Variants in MIX23 observed in about 807,000 individuals in gnomAD.
MIX23 encodes the protein protein MIX23.
MIX23 carries 13 observed loss-of-function variants against 21.6 expected under a neutral mutation model. The observed-to-expected ratio is 0.60, with a 90% CI of 0.39 to 0.96. The LOEUF is 0.96. MIX23 is among the 40% of genes least tolerant of loss of function. The probability of loss-of-function intolerance (pLI) is 0.00; values close to 1 mark genes in which losing one functional copy is unlikely to be tolerated. For missense variants in MIX23, 144 were observed against 171.2 expected (o/e 0.84, Z 0.89); for synonymous variants, 59 against 58.0 (o/e 1.02, Z -0.08).
chr3:122,362,731 C>T (rs535960430), intron 4 of MIX23, among the ~76,000 whole-genome samples: 1 of 152,208 alleles, frequency 6.6e-6, no homozygotes, highest in South Asian at 2.1e-4. Context: ...TGAGCCACCT[C>T]GCCTGGCCCT....
intron 1 of MIX23, among the ~76,000 whole-genome samples, chr3:122,380,116 T>C (rs2075518875): frequency 6.6e-6 from 1 of 152,212 alleles, no homozygotes; most frequent in African/African-American, 2.4e-5. Context: ...TACATATTTT[T>C]TAGGGTACAT....
chr3:122,368,035 T>G (rs1241109392), intron 3 of MIX23, 141 bp downstream of exon 3: 29 of 692,606 alleles, frequency 4.2e-5, no homozygotes, highest in Non-Finnish European at 1.2e-5. Flanking sequence ...TAAAGCTCAC[T>G]AAAAATGAAG....
intron 1 of MIX23, among the ~76,000 whole-genome samples, chr3:122,377,049 C>T (rs968232928): frequency 3.3e-5 from 5 of 152,080 alleles, no homozygotes; most frequent in East Asian, 3.9e-4. Context: ...CGCATGGTGG[C>T]GCACACCTGT....
intron 1 of MIX23, among the ~76,000 whole-genome samples, chr3:122,374,089 C>T (rs1316393653): frequency 6.8e-6 from 1 of 148,148 alleles, no homozygotes; most frequent in African/African-American, 2.5e-5. Context: ...ACTTTACCTC[C>T]TATGACTGGC....
At position 122,374,119 on chromosome 3, in the gene MIX23, T is replaced by TTA. The variant is rs1241966590; in HGVS notation, c.52-2320_52-2319insTA. On this transcript the variant is annotated intron_variant, in intron 1 of 4. Transcript: ENST00000291458. ...ACTGGCCTATTTTTTTTTTTTTTTT[T>TTA]AAAAAAAAAGCCTCTTTAAATTCTC... Among the ~76,000 whole-genome samples, 271 of 136,650 alleles carry TTA rather than the reference T, an allele frequency of 2.0e-3. 1 individual carries two copies. The highest frequency in any genetic ancestry group is 6.8e-3 in the African/African-American group (256 of 37,706). 89.6% of individuals were successfully genotyped at this position (136,650 alleles called of 152,430 possible).
intron 1 of MIX23, among the ~76,000 whole-genome samples, chr3:122,382,042 T>C (rs943174677): frequency 6.6e-6 from 1 of 152,242 alleles, no homozygotes; most frequent in African/African-American, 2.4e-5. Flanking sequence ...AGCGGACTAA[T>C]ACAGTATCTA....
chr3:122,378,559 A>G (rs1415322364), intron 1 of MIX23, among the ~76,000 whole-genome samples: 1 of 152,254 alleles, frequency 6.6e-6, no homozygotes, highest in Non-Finnish European at 1.5e-5. Context: ...TATAGTATAG[A>G]TGATTGCTTT....
chr3:122,365,897 T>C (rs181241654), intron 3 of MIX23, among the ~76,000 whole-genome samples: 1 of 152,208 alleles, frequency 6.6e-6, no homozygotes, highest in East Asian at 1.9e-4. Context: ...ATATGCCGGC[T>C]GGACACGGTG....
rs527562300 is a variant in MIX23 at position 122,359,830 on chromosome 3, T to TAAAAAAAAAAAAAAA, written c.*24_*38dup. ...AGCTCTTATGAGATGACCCAGTCCTTAAAAAAAAAAAAAAAAAAAAAAAAA... is the reference window on the plus strand; with the variant it reads ...AGCTCTTATGAGATGACCCAGTCCTTAAAAAAAAAAAAAAAAAAAAAAAAAAAAAAAAAAAAAAAA... On this transcript the variant is annotated 3_prime_UTR_variant, in exon 5 of 5. Coordinates refer to ENST00000291458, the MANE Select transcript of MIX23 (RefSeq NM_001017928.4). 2 of 1,007,848 alleles carry TAAAAAAAAAAAAAAA rather than the reference T, an allele frequency of 2.0e-6. No individual in the cohort carries two copies. Among genetic ancestry groups the TAAAAAAAAAAAAAAA allele is most frequent in the African/African-American group, 3.2e-5 (1 of 30,788 alleles). 62.4% of individuals were successfully genotyped at this position (1,007,848 alleles called of 1,614,324 possible). A position where few individuals can be genotyped will look rare whatever the true frequency, so the allele number is the denominator to read the frequency against.
At chr3:122,364,526 T>C (rs754289000) in intron 3 of MIX23, among the ~76,000 whole-genome samples, 1 of 152,218 alleles carries the variant, frequency 6.6e-6, no homozygotes, top group Non-Finnish European at 1.5e-5. Context: ...TTCAGAATTA[T>C]CCTGGGTAAC....
intron 3 of MIX23, 156 bp downstream of exon 3, chr3:122,368,015 CATAAT>C: frequency 1.6e-6 from 1 of 628,698 alleles, no homozygotes; most frequent in Non-Finnish European, 2.8e-6. Flanking sequence ...AATAACTAAA[CATAAT>C]AAAATAAAGC....
chr3:122,370,577 T>C (rs1229262018), intron 2 of MIX23, among the ~76,000 whole-genome samples: 1 of 150,698 alleles, frequency 6.6e-6, no homozygotes, highest in Non-Finnish European at 1.5e-5. Flanking sequence ...TGTTAATCAC[T>C]ACACTATAAA....
chr3:122,372,972 C>G (rs1048140147), intron 1 of MIX23: 1 of 412,722 alleles, frequency 2.4e-6, no homozygotes, highest in Non-Finnish European at 4.9e-6. Context: ...ATATACTATG[C>G]TACTTCTTAC....
chr3:122,360,064 G>A, intron 4 of MIX23, 145 bp from the exon 5 acceptor site: 1 of 812,162 alleles, frequency 1.2e-6, no homozygotes, highest in South Asian at 1.7e-5. Context: ...AGTTTCCTCA[G>A]CAGTTCAAAC....
At chr3:122,378,769 A>G (rs2075508185) in intron 1 of MIX23, among the ~76,000 whole-genome samples, 1 of 152,180 alleles carries the variant, frequency 6.6e-6, no homozygotes, top group Non-Finnish European at 1.5e-5. Flanking sequence ...CTCTGTATCA[A>G]TTTTTCTGTG....
chr3:122,380,386 CAG>C (rs2075521568), intron 1 of MIX23, among the ~76,000 whole-genome samples: 1 of 152,186 alleles, frequency 6.6e-6, no homozygotes, highest in Admixed American at 6.5e-5. Flanking sequence ...CTACAACTGC[CAG>C]AGTCCTCTAA....
At chr3:122,378,029 T>C (rs1368307797) in intron 1 of MIX23, among the ~76,000 whole-genome samples, 2 of 152,192 alleles carry the variant, frequency 1.3e-5, no homozygotes, top group Non-Finnish European at 2.9e-5. Flanking sequence ...TTAGAGGTCA[T>C]ATGATAGGAT....
At chr3:122,367,424 A>C (rs984728227) in intron 3 of MIX23, among the ~76,000 whole-genome samples, 1 of 152,226 alleles carries the variant, frequency 6.6e-6, no homozygotes, top group Admixed American at 6.5e-5. Flanking sequence ...AAGTGCTGTA[A>C]AGAAACAGTT....
intron 3 of MIX23, among the ~76,000 whole-genome samples, chr3:122,365,132 T>C (rs1174200097): frequency 3.3e-5 from 5 of 152,236 alleles, no homozygotes; most frequent in Admixed American, 2.6e-4. Flanking sequence ...GCCACTAACA[T>C]GTGACAGCAG....
Sources: allele counts gnomAD v4.1 joint callset (sites outside exome capture counted in the v4.1 genomes callset), GRCh38; gene constraint gnomAD v4.1.1; transcripts MANE v1.5; gene names NCBI Gene and HGNC (gene_info 2026-07-23, HGNC 2026-07-21).